Variants in FBXO34 observed in about 807,000 individuals in gnomAD.
FBXO34 encodes the protein F-box protein 34.
FBXO34 carries 12 observed loss-of-function variants against 24.5 expected under a neutral mutation model. The ratio of observed to expected loss-of-function variants is 0.49; its 90% CI spans 0.31 to 0.79. The LOEUF (loss-of-function observed/expected upper bound fraction) is 0.79. Ranked by LOEUF, FBXO34 falls within the 30% of genes least tolerant of loss-of-function variation. The pLI is 0.04. For synonymous variants in FBXO34, 320 were observed against 311.9 expected (o/e 1.03, Z -0.27); for missense variants, 823 against 857.7 (o/e 0.96, Z 0.51).
chr14:55,411,854 A>AT, the FBXO34 span: 1 of 1,547,874 alleles, frequency 6.5e-7, no homozygotes, highest in Non-Finnish European at 8.7e-7. Context: ...GTCACGTGGG[A>AT]TTTTGTTTTC....
chr14:55,349,612 T>TC lies in FBXO34; in HGVS notation c.-10-769_-10-768insC, dbSNP rs558747729. Among the ~76,000 whole-genome samples the TC allele has an allele frequency of 2.0e-5, 3 of 147,240 alleles. No homozygotes were observed. The South Asian group carries it at 6.5e-4, about 32-fold the overall frequency. ...GTTTAGGAAGCAATAATTTTCTTTT[T>TC]TTTTTTTTTTTTTGAGACAAAGTCT... On this transcript the variant is annotated intron_variant, in intron 1 of 1. Coordinates refer to ENST00000313833, the MANE Select transcript of FBXO34 (RefSeq NM_017943.4).
chr14:55,317,404 C>G (rs1043443741), intron 1 of FBXO34, among the ~76,000 whole-genome samples: 2 of 151,996 alleles, frequency 1.3e-5, no homozygotes, highest in African/African-American at 2.4e-5. Context: ...CCCTTGAGCC[C>G]GGGAAGGCAG....
rs35059794 is a variant in FBXO34, at chr14:55,350,634, A to T, written c.244A>T (p.Ser82Cys). The part of the protein sequence containing the change: ...SMSGKSPVES[S>C]LNVKTKKNAP... Reference sequence around the variant, plus strand: ...GAGTGGGAAGAGTCCTGTAGAGAGCAGCTTGAATGTTAAAACCAAAAAGAA... The same window carrying T: ...GAGTGGGAAGAGTCCTGTAGAGAGCTGCTTGAATGTTAAAACCAAAAAGAA... The change falls in exon 2 of 2, where the codon AGC becomes TGC. Residue 82 changes from serine to cysteine, a missense_variant. Transcript: ENST00000313833. 1 of 1,613,342 alleles carries T rather than the reference A, an allele frequency of 6.2e-7. No homozygotes were observed. Among genetic ancestry groups the T allele is most frequent in the Non-Finnish European group, 8.5e-7 (1 of 1,179,820 alleles).
At chr14:55,371,883 C>T (rs1884826957), downstream of FBXO34, among the ~76,000 whole-genome samples, 1 of 152,154 alleles carries the variant, frequency 6.6e-6, no homozygotes, top group Non-Finnish European at 1.5e-5. Context: ...GCCCAGAAGT[C>T]AGTATTTTGC....
chr14:55,411,450 C>T, the FBXO34 span: 1 of 784,142 alleles, frequency 1.3e-6, no homozygotes, highest in South Asian at 1.8e-5. Context: ...GGTAGCAAAG[C>T]TCCGGTGCAG....
chr14:55,315,469 T>C (rs985293080), intron 1 of FBXO34, among the ~76,000 whole-genome samples: 2 of 152,232 alleles, frequency 1.3e-5, no homozygotes, highest in Non-Finnish European at 2.9e-5. Flanking sequence ...GTTTTTTAGA[T>C]TTCATGTCTT....
intron 1 of FBXO34, among the ~76,000 whole-genome samples, chr14:55,347,998 G>A (rs1884214219): frequency 6.6e-6 from 1 of 152,222 alleles, no homozygotes; most frequent in Non-Finnish European, 1.5e-5. Context: ...AGCACTAGGT[G>A]TGCCTCTTTT....
chr14:55,400,739 C>T, the FBXO34 span, among the ~76,000 whole-genome samples: 1 of 151,978 alleles, frequency 6.6e-6, no homozygotes, highest in Non-Finnish European at 1.5e-5. Context: ...TCTGTCTCTA[C>T]TAAAAATACA....
At chr14:55,402,939 AT>A in the FBXO34 span, among the ~76,000 whole-genome samples, 2 of 42,436 alleles carry the variant, frequency 4.7e-5, no homozygotes, top group Admixed American at 4.6e-4. Context: ...ATATATATAT[AT>A]ATATATATAT....
downstream of FBXO34, chr14:55,366,395 G>C (rs1317271750): frequency 6.6e-6 from 1 of 152,560 alleles, no homozygotes. Context: ...GCAAAGTACT[G>C]TTAAAAGATT....
downstream of FBXO34, chr14:55,368,926 C>T (rs1354527208): frequency 6.6e-6 from 1 of 152,558 alleles, no homozygotes; most frequent in African/African-American, 2.4e-5. Context: ...ACTCTCTAGA[C>T]ATTATTGCAG....
chr14:55,287,786 T>G (rs1881810949), intron 1 of FBXO34, among the ~76,000 whole-genome samples: 1 of 152,260 alleles, frequency 6.6e-6, no homozygotes, highest in African/African-American at 2.4e-5. Context: ...AGTTTTTGTC[T>G]TAGAAGTCTC....
chr14:55,356,364 T>C (rs1240762554), downstream of FBXO34, among the ~76,000 whole-genome samples: 2 of 152,342 alleles, frequency 1.3e-5, no homozygotes, highest in South Asian at 2.1e-4. Context: ...GCTGATGTTA[T>C]CTAGCTGTAT....
At chr14:55,316,442 A>G (rs78312364) in intron 1 of FBXO34, among the ~76,000 whole-genome samples, 1 of 151,620 alleles carries the variant, frequency 6.6e-6, no homozygotes, top group Non-Finnish European at 1.5e-5. Context: ...AAAAAAAAAA[A>G]TTAGCTGGGT....
chr14:55,314,197 C>G (rs1594745919), intron 1 of FBXO34, among the ~76,000 whole-genome samples: 1 of 152,020 alleles, frequency 6.6e-6, no homozygotes, highest in East Asian at 1.9e-4. Context: ...AGGCATGAGC[C>G]ACAATGCCCA....
chr14:55,375,882 C>T, the FBXO34 span, among the ~76,000 whole-genome samples: 1 of 152,130 alleles, frequency 6.6e-6, no homozygotes, highest in Non-Finnish European at 1.5e-5. Context: ...ATGTAAGTAA[C>T]GTGCCATGAA....
At chr14:55,315,127 T>A (rs907448484) in intron 1 of FBXO34, among the ~76,000 whole-genome samples, 4 of 152,244 alleles carry the variant, frequency 2.6e-5, no homozygotes. Flanking sequence ...GTTGACACAT[T>A]AAGACTGAAA....
At chr14:55,440,708 G>C in the FBXO34 span, 2 of 764,514 alleles carry the variant, frequency 2.6e-6, no homozygotes, top group East Asian at 3.1e-5. Flanking sequence ...CCGGAGAGGG[G>C]CGTCTCGCCT....
Position 55,351,656 on chromosome 14 carries a change from C to T in FBXO34, c.1266C>T (p.Ser422=). The T allele has an allele frequency of 2.5e-6, 4 of 1,614,150 alleles. No individual in the cohort carries two copies. Among genetic ancestry groups the T allele is most frequent in the Non-Finnish European group, 3.4e-6 (4 of 1,180,034 alleles). The change falls in exon 2 of 2, where the codon TCC becomes TCT. Residue 422 remains serine, a synonymous_variant. Coordinates refer to ENST00000313833, the MANE Select transcript of FBXO34 (RefSeq NM_017943.4). ...TACCTTTTTCCTCTCATACCTATTC[C>T]CAAGCCTCTGAATTGCCCACAGATG... ...VGLPFSSHTY[S]QASELPTDAV...
Sources: gnomAD v4.1 joint callset for allele counts (sites outside exome capture counted in the v4.1 genomes callset) on GRCh38, gnomAD v4.1.1 for gene constraint, MANE v1.5 for transcripts, NCBI Gene and HGNC (gene_info 2026-07-23, HGNC 2026-07-21) for gene names.